GPATCH2: variants seen among roughly 807,000 people sequenced by gnomAD.
The protein encoded by GPATCH2 is G patch domain-containing protein 2.
Under a neutral mutation model 58.0 loss-of-function variants are expected in GPATCH2, and 51 were observed. That is an observed-to-expected ratio of 0.88 (90% CI 0.70 to 1.11). The LOEUF is 1.11. Among genes scored for constraint, GPATCH2 ranks in the 50% most tolerant of loss-of-function variants. GPATCH2 has a pLI of 0.00. For missense variants in GPATCH2, 625 were observed against 652.2 expected (o/e 0.96, Z 0.45); for synonymous variants, 222 against 218.5 (o/e 1.02, Z -0.14).
rs1030772408 is a variant in GPATCH2 at position 217,430,167 on chromosome 1, T to C, written c.*978A>G. ...GAAAGGGCAAATCAGTACCATTTAC[T>C]TCTTTTGTTCACCTTCTAAATGGGT... On this transcript the variant is annotated 3_prime_UTR_variant, in exon 10 of 10. Transcript: ENST00000366935. The C allele has an allele frequency of 1.3e-5, 1 of 74,134 alleles. No individual in the cohort carries two copies. Among genetic ancestry groups the C allele is most frequent in the African/African-American group, 5.8e-5 (1 of 17,170 alleles). 4.6% of individuals were successfully genotyped at this position (74,134 alleles called of 1,614,324 possible).
At chr1:217,577,019 G>C (rs897582516) in intron 5 of GPATCH2, among the ~76,000 whole-genome samples, 12 of 152,076 alleles carry the variant, frequency 7.9e-5, no homozygotes, top group African/African-American at 2.7e-4. Flanking sequence ...TATCATGCCT[G>C]AAAAAATACA....
At chr1:217,473,006 T>C (rs527971786) in intron 8 of GPATCH2, among the ~76,000 whole-genome samples, 39 of 152,260 alleles carry the variant, frequency 2.6e-4, no homozygotes, top group African/African-American at 8.4e-4. Flanking sequence ...ATCCCTCAGC[T>C]GTGGTGCGAC....
At chr1:217,458,826 C>T (rs963813167) in intron 8 of GPATCH2, among the ~76,000 whole-genome samples, 26 of 152,174 alleles carry the variant, frequency 1.7e-4, no homozygotes, top group African/African-American at 6.0e-4. Flanking sequence ...TGCTACTCTT[C>T]CAAGTGTTTT....
intron 5 of GPATCH2, among the ~76,000 whole-genome samples, chr1:217,524,510 T>G (rs1435098157): frequency 1.3e-5 from 2 of 151,844 alleles, no homozygotes; most frequent in African/African-American, 2.4e-5. Flanking sequence ...CAAGGCAGGC[T>G]GCTGGGAGGT....
chr1:217,598,231 C>CA (rs1040210880), intron 5 of GPATCH2, among the ~76,000 whole-genome samples: 17 of 151,728 alleles, frequency 1.1e-4, no homozygotes, highest in African/African-American at 2.4e-4. Flanking sequence ...ACTAAAAATA[C>CA]AAAAAAATTA....
intron 5 of GPATCH2, among the ~76,000 whole-genome samples, chr1:217,582,658 T>A (rs1412122542): frequency 6.6e-6 from 1 of 152,180 alleles, no homozygotes; most frequent in East Asian, 1.9e-4. Flanking sequence ...ATAAAAGTAT[T>A]GTGGTGCTAA....
intron 5 of GPATCH2, among the ~76,000 whole-genome samples, chr1:217,554,873 G>T (rs986054793): frequency 6.6e-6 from 1 of 152,028 alleles, no homozygotes; most frequent in African/African-American, 2.4e-5. Context: ...TTTTATAAAG[G>T]TACAAACTTT....
chr1:217,591,354 G>A (rs950650434), intron 5 of GPATCH2, among the ~76,000 whole-genome samples: 3 of 151,972 alleles, frequency 2.0e-5, no homozygotes, highest in Non-Finnish European at 4.4e-5. Flanking sequence ...AAAAACATTC[G>A]TTTTGCTTGA....
chr1:217,512,751 C>G (rs1662915690), intron 6 of GPATCH2, among the ~76,000 whole-genome samples: 1 of 152,204 alleles, frequency 6.6e-6, no homozygotes, highest in Non-Finnish European at 1.5e-5. Flanking sequence ...GAGTCTGTGA[C>G]TGTTTAGTTC....
intron 5 of GPATCH2, among the ~76,000 whole-genome samples, chr1:217,531,299 G>C (rs1351957448): frequency 6.6e-6 from 1 of 152,010 alleles, no homozygotes; most frequent in African/African-American, 2.4e-5. Context: ...CTATTGTATT[G>C]CCACCAGGAT....
chr1:217,537,147 T>C (rs1558467367), intron 5 of GPATCH2, among the ~76,000 whole-genome samples: 1 of 152,230 alleles, frequency 6.6e-6, no homozygotes, highest in East Asian at 1.9e-4. Context: ...ATCATTTTCA[T>C]ACAGATTAGA....
intron 1 of GPATCH2, among the ~76,000 whole-genome samples, chr1:217,627,488 G>C (rs1206723318): frequency 6.6e-6 from 1 of 152,004 alleles, no homozygotes; most frequent in African/African-American, 2.4e-5. Context: ...TTAATGCTAT[G>C]TATCTGACCT....
intron 8 of GPATCH2, among the ~76,000 whole-genome samples, chr1:217,464,091 A>T (rs1660329825): frequency 6.6e-6 from 1 of 152,186 alleles, no homozygotes; most frequent in Admixed American, 6.5e-5. Context: ...TTATTTACTC[A>T]CTTAAAAATA....
chr1:217,508,970 G>T (rs1021438310), intron 6 of GPATCH2, among the ~76,000 whole-genome samples: 1 of 152,090 alleles, frequency 6.6e-6, no homozygotes, highest in Non-Finnish European at 1.5e-5. Flanking sequence ...TTCATACATT[G>T]TTGTGTTATT....
At chr1:217,444,903 T>G (rs1358050060) in intron 9 of GPATCH2, among the ~76,000 whole-genome samples, 1 of 152,222 alleles carries the variant, frequency 6.6e-6, no homozygotes, top group African/African-American at 2.4e-5. Flanking sequence ...CATTTCTGAT[T>G]ATATTTGGCA....
chr1:217,624,673 T>C (rs575444793), intron 1 of GPATCH2, among the ~76,000 whole-genome samples: 1 of 152,218 alleles, frequency 6.6e-6, no homozygotes, highest in Non-Finnish European at 1.5e-5. Flanking sequence ...GAATTTCCTA[T>C]TAAAGGGGAA....
chr1:217,576,636 TG>T (rs1308621599), intron 5 of GPATCH2, among the ~76,000 whole-genome samples: 1 of 152,070 alleles, frequency 6.6e-6, no homozygotes, highest in African/African-American at 2.4e-5. Flanking sequence ...CACATACAAG[TG>T]AAAAAGATTG....
In GPATCH2 at chr1:217,430,989, TTC is replaced by T. The variant is rs1658506904; in HGVS notation, c.*154_*155del. On this transcript the variant is annotated 3_prime_UTR_variant, in exon 10 of 10. Transcript: ENST00000366935. ...ACCATGAATTGTGATGAAATCCCAT[TTC>T]TCTCACTATGGCAGGACTGTATGCA... 1 of 621,946 alleles carries T rather than the reference TTC, an allele frequency of 1.6e-6. No homozygotes were observed. The highest frequency in any genetic ancestry group is 2.9e-6 in the Non-Finnish European group (1 of 346,666). The allele number at this position is 621,946 out of a possible 1,614,324, so 38.5% of individuals were successfully genotyped here. A position where few individuals can be genotyped will look rare whatever the true frequency, so the allele number is the denominator to read the frequency against.
intron 6 of GPATCH2, 62 bp downstream of exon 6, chr1:217,514,760 A>G: frequency 5.4e-6 from 4 of 746,562 alleles, no homozygotes; most frequent in Non-Finnish European, 9.5e-6. Context: ...GTAGCTAATA[A>G]TTTCCCAAAA....
Sources: allele counts gnomAD v4.1 joint callset (sites outside exome capture counted in the v4.1 genomes callset), GRCh38; gene constraint gnomAD v4.1.1; transcripts MANE v1.5; gene names NCBI Gene and HGNC (gene_info 2026-07-23, HGNC 2026-07-21).